C22orf31: variants seen among roughly 807,000 people sequenced by gnomAD.
The protein encoded by C22orf31 is chromosome 22 open reading frame 31.
Under a neutral mutation model 15.0 loss-of-function variants are expected in C22orf31, and 11 were observed. That is an observed-to-expected ratio of 0.73 (90% CI 0.46 to 1.21). The LOEUF (loss-of-function observed/expected upper bound fraction) is 1.21, where lower values mean the gene tolerates loss of function less well. Ranked by LOEUF, C22orf31 falls within the 50% of genes most tolerant of loss-of-function variation. The probability of loss-of-function intolerance (pLI) is 0.00; values close to 1 mark genes in which losing one functional copy is unlikely to be tolerated. For missense variants in C22orf31, 340 were observed against 347.2 expected, an observed-to-expected ratio of 0.98 and a Z score of 0.17; for synonymous variants, 132 against 133.3, an observed-to-expected ratio of 0.99 and a Z score of 0.07.
chr22:29,060,856 G>A lies in C22orf31; in HGVS notation c.4-13C>T. Reference sequence around the variant, plus strand: ...CATTGATTGGGTGCTAGAATTATAAGGAGGGAGAAATGAATTTTAAAAGGA... The same window carrying A: ...CATTGATTGGGTGCTAGAATTATAAAGAGGGAGAAATGAATTTTAAAAGGA... On this transcript the variant is annotated splice_polypyrimidine_tract_variant and intron_variant, in intron 1 of 2. Coordinates refer to ENST00000216071, the MANE Select transcript of C22orf31 (RefSeq NM_015370.2). 6.3e-7 allele frequency: 1 copy of A among 1,599,030 alleles called. No homozygotes were observed.
intron 1 of C22orf31, among the ~76,000 whole-genome samples, chr22:29,061,514 C>T (rs999553225): frequency 5.3e-5 from 8 of 152,090 alleles, no homozygotes; most frequent in African/African-American, 1.7e-4. Context: ...GATCCGCCCG[C>T]CTCAGCCTCC....
rs2037348643 is a variant in C22orf31 at position 29,058,912 on chromosome 22, A to G, written c.703T>C (p.Tyr235His). Reference protein sequence around the residue: ...LWNPSGTPKRYSLELGKAIKQ... With the variant: ...LWNPSGTPKRHSLELGKAIKQ... ...ATGGCCTTGCCCAGCTCCAGGCTGT[A>G]CCTCTTGGGGGTCCCTGAAGGATTC... The change falls in exon 3 of 3, where the codon TAC becomes CAC. Residue 235 changes from tyrosine to histidine, a missense_variant. Transcript: ENST00000216071. The G allele has an allele frequency of 6.2e-7, 1 of 1,613,700 alleles. No homozygotes were observed. The highest frequency in any genetic ancestry group is 2.2e-5 in the East Asian group (1 of 44,858).
intron 2 of C22orf31, chr22:29,060,034 T>TA (rs1472620895): frequency 2.2e-6 from 2 of 912,670 alleles, no homozygotes; most frequent in Admixed American, 6.4e-5. Context: ...TTTTTTTTTT[T>TA]TTTTTTTTTA....
At position 29,060,475 on chromosome 22, in the gene C22orf31, G is replaced by T. The variant is rs552864793; in HGVS notation, c.372C>A (p.Phe124Leu). 1.2e-6 allele frequency: 2 copies of T among 1,613,970 alleles called. No individual in the cohort carries two copies. Among genetic ancestry groups the T allele is most frequent in the Non-Finnish European group, 1.7e-6 (2 of 1,180,016 alleles). The change falls in exon 2 of 3, where the codon TTC (phenylalanine) becomes TTA (leucine). Residue 124 changes from phenylalanine to leucine, a missense_variant. Physicochemically the swap from Phe to Leu is conservative, Grantham distance 22. Coordinates refer to ENST00000216071, the MANE Select transcript of C22orf31 (RefSeq NM_015370.2). The stretch of plus-strand genomic sequence containing the variant: ...CTGGCTGCTTGCTCTTGGAACTGAT[G>T]AAGTTTCTTTTCCTGGCCTGCTGGG... The part of the protein sequence containing the change: ...KATQQARKRN[F>L]ISSKSKQPAG...
At chr22:29,073,461 G>A in the C22orf31 span, among the ~76,000 whole-genome samples, 5 of 151,656 alleles carry the variant, frequency 3.3e-5, no homozygotes, top group African/African-American at 9.7e-5. The surrounding 1 kb of genome is among the most constrained non-coding windows in gnomAD (Gnocchi z 4.4). Context: ...TGCAGGACCC[G>A]GTGCTCCTCA....
rs758606876 is a variant in C22orf31 at position 29,058,828 on chromosome 22, T to G, written c.787A>C (p.Arg263=). 1.9e-6 allele frequency: 3 copies of G among 1,614,092 alleles called. No individual in the cohort carries two copies. In the African/African-American group the frequency reaches 4.0e-5, roughly 22 times the overall value. ...TGCTTCCTGCCAGGGAACCGGTCCC[T>G]CTGAGCACCTTCAGAGATGGCACCC... ...SQGAISEGAQ[R]DRFPGRKQPG... Residue 263 remains arginine, a synonymous_variant, in exon 3 of 3, where the codon AGG becomes CGG. Transcript: ENST00000216071.
upstream of C22orf31, among the ~76,000 whole-genome samples, chr22:29,064,334 A>G (rs2037414694): frequency 6.6e-6 from 1 of 152,192 alleles, no homozygotes. Context: ...TCCCAGATCC[A>G]TCTTTCATTA....
At chr22:29,061,653 G>A (rs535270414) in intron 1 of C22orf31, 137 bp downstream of exon 1, 47 of 626,134 alleles carry the variant, frequency 7.5e-5, no homozygotes, top group Admixed American at 6.5e-4. Context: ...AAAGCAACAC[G>A]AAAACATTAA....
the C22orf31 span, chr22:29,073,201 C>G: frequency 8.4e-7 from 1 of 1,190,120 alleles, no homozygotes; most frequent in Non-Finnish European, 1.0e-6. This position sits in a 1 kb window ranked among gnomAD's most constrained non-coding sequence, Gnocchi z 4.4. Flanking sequence ...CGGCCCGCGC[C>G]TAGCCCCGGC....
At chr22:29,064,602 C>T (rs1044257303), upstream of C22orf31, among the ~76,000 whole-genome samples, 4 of 151,092 alleles carry the variant, frequency 2.6e-5, no homozygotes, top group Non-Finnish European at 5.9e-5. Context: ...GAGCCTCGAC[C>T]TCCTGGGCTC....
upstream of C22orf31, among the ~76,000 whole-genome samples, chr22:29,065,273 T>C (rs2037421675): frequency 6.6e-6 from 1 of 152,190 alleles, no homozygotes; most frequent in South Asian, 2.1e-4. Context: ...AGGTCATTCA[T>C]GTACATCAAT....
chr22:29,073,191 C>T, the C22orf31 span: 5 of 1,191,134 alleles, frequency 4.2e-6, no homozygotes, highest in East Asian at 1.5e-4. The surrounding 1 kb of genome is among the most constrained non-coding windows in gnomAD (Gnocchi z 4.4). Context: ...GCTGGCGGCC[C>T]GGCCCGCGCC....
chr22:29,059,760 TTGTG>T lies in C22orf31; in HGVS notation c.433-582_433-579del, dbSNP rs111812934. On this transcript the variant is annotated intron_variant, in intron 2 of 2. Transcript: ENST00000216071. ...ATCCAGATCCATAGCTGACCACTGGTTGTGTGTGTGTGTGTGTGTGTGCACAAGC... is the reference window on the plus strand; with the variant it reads ...ATCCAGATCCATAGCTGACCACTGGTTGTGTGTGTGTGTGTGTGCACAAGC... 122 of 948,668 alleles carry T rather than the reference TTGTG, an allele frequency of 1.3e-4. No homozygotes were observed. The East Asian group carries it at 1.7e-3, about 14-fold the overall frequency. The allele number at this position is 948,668 out of a possible 1,614,324, so 58.8% of individuals were successfully genotyped here. A position where few individuals can be genotyped will look rare whatever the true frequency, so the allele number is the denominator to read the frequency against.
At chr22:29,073,186 CG>C in the C22orf31 span, 2 of 1,186,454 alleles carry the variant, frequency 1.7e-6, no homozygotes, top group Non-Finnish European at 2.1e-6. This position sits in a 1 kb window ranked among gnomAD's most constrained non-coding sequence, Gnocchi z 4.4. Flanking sequence ...CTCACGCTGG[CG>C]GCCCGGCCCG....
At chr22:29,069,699 C>T in the C22orf31 span, among the ~76,000 whole-genome samples, 3 of 152,146 alleles carry the variant, frequency 2.0e-5, no homozygotes, top group Non-Finnish European at 1.5e-5. Context: ...CTCTTGTGCA[C>T]TGTTTCCATC....
intron 2 of C22orf31, chr22:29,059,727 C>T (rs530772675): frequency 3.2e-5 from 32 of 985,300 alleles, no homozygotes; most frequent in Middle Eastern, 1.0e-3. Context: ...TCCATGTGGA[C>T]GCTCACAATC....
the C22orf31 span, among the ~76,000 whole-genome samples, chr22:29,069,238 C>A: frequency 2.0e-5 from 3 of 152,114 alleles, no homozygotes; most frequent in African/African-American, 7.2e-5. Context: ...GAAATGCAAC[C>A]GTAGACACCC....
At chr22:29,068,250 T>TTTTA in the C22orf31 span, among the ~76,000 whole-genome samples, 2 of 148,332 alleles carry the variant, frequency 1.3e-5, no homozygotes, top group Non-Finnish European at 3.0e-5. Context: ...CCTGGCTAAT[T>TTTTA]TTTATTTATT....
At chr22:29,061,641 TA>T in intron 1 of C22orf31, 148 bp downstream of exon 1, 1 of 589,262 alleles carries the variant, frequency 1.7e-6, no homozygotes, top group South Asian at 2.5e-5. Context: ...CTGGGGACCA[TA>T]AAAGCAACAC....
Sources: allele counts gnomAD v4.1 joint callset (sites outside exome capture counted in the v4.1 genomes callset), GRCh38; gene constraint gnomAD v4.1.1; non-coding constraint Gnocchi (gnomAD v3.1); transcripts MANE v1.5; gene names NCBI Gene and HGNC (gene_info 2026-07-23, HGNC 2026-07-21).